The following SIPA1L3 variants were observed in gnomAD, a reference collection of about 807,000 sequenced individuals.
The protein encoded by SIPA1L3 is signal induced proliferation associated 1 like 3.
In SIPA1L3, 59 loss-of-function variants were observed where a neutral mutation model predicts 150.1. The observed-to-expected ratio is 0.39, with a 90% CI of 0.32 to 0.49. The LOEUF is 0.49. SIPA1L3 is among the 20% of genes least tolerant of loss of function. SIPA1L3 has a pLI of 0.86. For synonymous variants in SIPA1L3, 1,070 were observed against 1,077.6 expected (o/e 0.99, Z 0.14); for missense variants, 2,211 against 2,489.5 (o/e 0.89, Z 2.38).
Position 38,142,840 on chromosome 19 carries a change from C to T in SIPA1L3, c.3533+130C>T, listed in dbSNP as rs1040852072. ...GTGTTTCTGGACCCCTGAAGGTCCT[C>T]AGAGGAGCCCCATGGGGTGGTTATG... On this transcript the variant is annotated intron_variant, in intron 12 of 21. Transcript: ENST00000222345. The T allele has an allele frequency of 3.4e-6, 4 of 1,173,418 alleles. No homozygotes were observed. The African/African-American group carries it at 6.1e-5, about 18-fold the overall frequency. The allele number at this position is 1,173,418 out of a possible 1,614,324, so 72.7% of individuals were successfully genotyped here. A position where few individuals can be genotyped will look rare whatever the true frequency, so the allele number is the denominator to read the frequency against.
chr19:38,152,024 T>A (rs1269156361), intron 12 of SIPA1L3, among the ~76,000 whole-genome samples: 2 of 151,344 alleles, frequency 1.3e-5, no homozygotes, highest in African/African-American at 4.9e-5. Flanking sequence ...GTGAGAGCCT[T>A]CTACCACCAC....
intron 2 of SIPA1L3, among the ~76,000 whole-genome samples, chr19:38,070,243 T>C (rs1208601976): frequency 6.6e-6 from 1 of 151,992 alleles, no homozygotes; most frequent in Non-Finnish European, 1.5e-5. Flanking sequence ...AGGGTCTTGC[T>C]CTGTCACCCA....
intron 18 of SIPA1L3, among the ~76,000 whole-genome samples, chr19:38,196,343 G>A (rs1326976237): frequency 1.3e-5 from 2 of 152,202 alleles, no homozygotes; most frequent in Non-Finnish European, 2.9e-5. Context: ...GGTGGAGCAT[G>A]GAGGTCAAGG....
At chr19:38,107,172 C>T (rs1193890139) in intron 7 of SIPA1L3, among the ~76,000 whole-genome samples, 2 of 152,224 alleles carry the variant, frequency 1.3e-5, no homozygotes, top group Non-Finnish European at 2.9e-5. Context: ...GGCTCACATC[C>T]ACCAGCTTAG....
At chr19:38,123,984 CA>C (rs1232433603) in intron 9 of SIPA1L3, among the ~76,000 whole-genome samples, 20 of 131,338 alleles carry the variant, frequency 1.5e-4, no homozygotes, top group East Asian at 5.2e-4. Context: ...AACCCCCCCC[CA>C]CCTCCCTCCC....
rs1245841186 is a variant in SIPA1L3 at position 38,119,678 on chromosome 19, C to T, written c.2664C>T (p.Cys888=). ...ACGCCCAGGGGGTGGAAATCGACTG[C>T]ATTTTGGGAATTTCCAATGAGTTTG... ...QDYAQGVEID[C]ILGISNEFVV... The change falls in exon 9 of 22, where the codon TGC becomes TGT. Residue 888 remains cysteine, a synonymous_variant. Coordinates refer to ENST00000222345, the MANE Select transcript of SIPA1L3 (RefSeq NM_015073.3). The T allele has an allele frequency of 9.3e-6, 15 of 1,614,062 alleles. No individual in the cohort carries two copies. Among genetic ancestry groups the T allele is most frequent in the Non-Finnish European group, 1.3e-5 (15 of 1,180,026 alleles).
intron 1 of SIPA1L3, among the ~76,000 whole-genome samples, chr19:38,009,825 G>A (rs1344401374): frequency 6.6e-6 from 1 of 152,116 alleles, no homozygotes; most frequent in Non-Finnish European, 1.5e-5. Context: ...AGGAGGACAG[G>A]GTCTGGTTTT....
chr19:37,998,969 GC>G (rs774928522), intron 1 of SIPA1L3, among the ~76,000 whole-genome samples: 148 of 141,360 alleles, frequency 1.0e-3, no homozygotes, highest in South Asian at 1.9e-3. Flanking sequence ...ACAAAAACCA[GC>G]CCTATCTATC....
chr19:38,104,228 A>G (rs1970570481), intron 6 of SIPA1L3, among the ~76,000 whole-genome samples: 1 of 152,238 alleles, frequency 6.6e-6, no homozygotes, highest in African/African-American at 2.4e-5. Context: ...GTCTGGGGCC[A>G]TCATCACCTT....
intron 1 of SIPA1L3, among the ~76,000 whole-genome samples, chr19:38,016,739 T>C (rs1449370242): frequency 6.6e-6 from 1 of 151,930 alleles, no homozygotes; most frequent in Non-Finnish European, 1.5e-5. Flanking sequence ...GTGATCCTCC[T>C]GCCTTGTCCT....
intron 5 of SIPA1L3, among the ~76,000 whole-genome samples, chr19:38,100,558 G>C (rs975424721): frequency 6.6e-6 from 1 of 152,216 alleles, no homozygotes. Flanking sequence ...GAGAGCCATC[G>C]ATTGGGCTAT....
intron 1 of SIPA1L3, among the ~76,000 whole-genome samples, chr19:37,924,599 A>G (rs975010520): frequency 1.3e-4 from 19 of 151,470 alleles, no homozygotes; most frequent in Non-Finnish European, 2.5e-4. Flanking sequence ...AATAGCTTGA[A>G]TCCGGGAGGC....
chr19:37,909,024 G>A (rs1320775227), intron 1 of SIPA1L3, among the ~76,000 whole-genome samples: 3 of 152,146 alleles, frequency 2.0e-5, no homozygotes. Flanking sequence ...TCTCCTCCTG[G>A]AACCAGTAGT....
intron 9 of SIPA1L3, among the ~76,000 whole-genome samples, chr19:38,128,669 GGTGA>G (rs1441858446): frequency 1.2e-4 from 19 of 152,142 alleles, no homozygotes; most frequent in Non-Finnish European, 2.5e-4. Context: ...GGCCGAGACA[GGTGA>G]ATCACTTGAG....
At chr19:38,152,492 G>A (rs1971844804) in intron 12 of SIPA1L3, among the ~76,000 whole-genome samples, 2 of 152,290 alleles carry the variant, frequency 1.3e-5, no homozygotes, top group Admixed American at 6.5e-5. Flanking sequence ...AGCTGCTGGG[G>A]ACATTCACCC....
At chr19:38,130,931 A>G (rs1002813902) in intron 10 of SIPA1L3, 159 bp downstream of exon 10, 2 of 731,600 alleles carry the variant, frequency 2.7e-6, no homozygotes, top group African/African-American at 3.6e-5. Flanking sequence ...GGGAGGGCAC[A>G]TCTACAGAGC....
At chr19:37,918,222 G>A (rs546936574) in intron 1 of SIPA1L3, among the ~76,000 whole-genome samples, 2 of 151,986 alleles carry the variant, frequency 1.3e-5, no homozygotes, top group Admixed American at 1.3e-4. Flanking sequence ...AAAGGTCTTG[G>A]CGTGTTTGAA....
At chr19:37,910,361 G>A (rs1006634823) in intron 1 of SIPA1L3, among the ~76,000 whole-genome samples, 3 of 151,902 alleles carry the variant, frequency 2.0e-5, no homozygotes, top group Non-Finnish European at 4.4e-5. Context: ...TTGAGCCCAG[G>A]AGTTTGAGAG....
intron 1 of SIPA1L3, among the ~76,000 whole-genome samples, chr19:37,967,343 C>T (rs1166630326): frequency 6.6e-6 from 1 of 150,718 alleles, no homozygotes; most frequent in East Asian, 2.0e-4. Context: ...ACCTCCGCCT[C>T]CCTGGGTTCA....
Sources: gnomAD v4.1 joint callset for allele counts (sites outside exome capture counted in the v4.1 genomes callset) on GRCh38, gnomAD v4.1.1 for gene constraint, MANE v1.5 for transcripts, NCBI Gene and HGNC (gene_info 2026-07-23, HGNC 2026-07-21) for gene names.